The following TAFAZZIN variants were observed in gnomAD, a reference collection of about 807,000 sequenced individuals.
The protein encoded by TAFAZZIN is tafazzin, phospholipid-lysophospholipid transacylase, also known as protein G4.5.
TAFAZZIN carries 6 observed loss-of-function variants against 27.3 expected under a neutral mutation model. The ratio of observed to expected loss-of-function variants is 0.22; its 90% CI spans 0.12 to 0.43. The LOEUF (loss-of-function observed/expected upper bound fraction) is 0.43, where lower values mean the gene tolerates loss of function less well. TAFAZZIN is among the 20% of genes least tolerant of loss of function. The pLI is 1.00. For missense variants in TAFAZZIN, 127 were observed against 244.5 expected (o/e 0.52, Z 3.21); for synonymous variants, 79 against 96.2 (o/e 0.82, Z 1.04).
chrX:154,420,592 G>T (rs2068601219), intron 9 of TAFAZZIN, 66 bp from the exon 10 acceptor site: 2 of 1,153,147 alleles, frequency 1.7e-6, no homozygotes, highest in Middle Eastern at 2.3e-4. Flanking sequence ...CTGGCTCCCG[G>T]GTTGCTTGGG....
At chrX:154,413,145 G>A (rs1413936254) in intron 2 of TAFAZZIN, 62 bp from the exon 3 acceptor site, 65 of 1,198,436 alleles carry the variant, frequency 5.4e-5, no homozygotes, top group Non-Finnish European at 7.1e-5. Context: ...GAGATGGGGT[G>A]AAGGAAGGGC....
chrX:154,412,341 C>A, intron 2 of TAFAZZIN, 127 bp downstream of exon 2: 1 of 950,175 alleles, frequency 1.1e-6, no homozygotes, highest in Non-Finnish European at 1.4e-6. Flanking sequence ...TCCGGGCGTT[C>A]TGCCCCAGGG....
rs1225361741 is a variant in TAFAZZIN, at chrX:154,419,524, A to G, written c.461-19A>G. On this transcript the variant is annotated intron_variant, in intron 5 of 10. Coordinates refer to ENST00000601016, the MANE Select transcript of TAFAZZIN (RefSeq NM_000116.5). Reference sequence around the variant, plus strand: ...CCCCCGAGAATGGTTACTGATAGGGAGAGGCCTTTTCCTTGCAGGAGATGG... The same window carrying G: ...CCCCCGAGAATGGTTACTGATAGGGGGAGGCCTTTTCCTTGCAGGAGATGG... 1 of 1,206,621 alleles carries G rather than the reference A, an allele frequency of 8.3e-7. No homozygotes were observed. The highest frequency in any genetic ancestry group is 2.2e-5 in the Admixed American group (1 of 45,646).
chrX:154,421,569 G>A lies in TAFAZZIN; in HGVS notation c.*565G>A, dbSNP rs1005349467. On this transcript the variant is annotated 3_prime_UTR_variant, in exon 11 of 11. Transcript: ENST00000601016. The stretch of plus-strand genomic sequence containing the variant: ...CAGAAGTCAAGCCCAGCCACGTGGA[G>A]CCTAGAGTGAGGGCCTGAGGTCTGG... 2.7e-5 allele frequency: 9 copies of A among 329,549 alleles called. No individual in the cohort carries two copies. The highest frequency in any genetic ancestry group is 1.8e-4 in the African/African-American group (7 of 38,083). 27.2% of individuals were successfully genotyped at this position (329,549 alleles called of 1,213,427 possible). A position where few individuals can be genotyped will look rare whatever the true frequency, so the allele number is the denominator to read the frequency against.
chrX:154,413,134 T>G, intron 2 of TAFAZZIN, 73 bp from the exon 3 acceptor site: 1 of 1,186,851 alleles, frequency 8.4e-7, no homozygotes, highest in Non-Finnish European at 1.1e-6. Flanking sequence ...CCTCATTCCC[T>G]GAGATGGGGT....
At chrX:154,412,328 G>T in intron 2 of TAFAZZIN, 114 bp downstream of exon 2, 1 of 1,003,945 alleles carries the variant, frequency 1.0e-6, no homozygotes, top group Non-Finnish European at 1.3e-6. Flanking sequence ...TGGCACTCCG[G>T]TTTCCGGGCG....
intron 2 of TAFAZZIN, 90 bp downstream of exon 2, chrX:154,412,304 T>G (rs2148187174): frequency 9.1e-7 from 1 of 1,098,881 alleles, no homozygotes; most frequent in African/African-American, 1.8e-5. Flanking sequence ...TCTCGCTGCC[T>G]TTTCATGGAG....
intron 5 of TAFAZZIN, chrX:154,419,289 C>T (rs2068561532): frequency 2.3e-5 from 10 of 427,657 alleles, no homozygotes; most frequent in East Asian, 3.8e-5. Flanking sequence ...AGCCCCACAG[C>T]GTGCCCAAGT....
intron 5 of TAFAZZIN, 135 bp from the exon 6 acceptor site, chrX:154,419,408 G>T: frequency 1.5e-6 from 1 of 654,640 alleles, no homozygotes; most frequent in South Asian, 2.4e-5. Flanking sequence ...GGACTGAGGG[G>T]GATAGTCCCC....
intron 7 of TAFAZZIN, 36 bp from the exon 8 acceptor site, chrX:154,419,996 A>G: frequency 8.3e-7 from 1 of 1,209,008 alleles, no homozygotes. Flanking sequence ...CTCAGGGCCC[A>G]GCTTATGCTA....
At chrX:154,414,990 G>GA (rs1160162016) in intron 5 of TAFAZZIN, among the ~76,000 whole-genome samples, 158 of 72,661 alleles carry the variant, frequency 2.2e-3, no homozygotes, top group East Asian at 8.3e-3. Context: ...ACTCCGTCTG[G>GA]AAAAAAAAAA....
intron 5 of TAFAZZIN, among the ~76,000 whole-genome samples, chrX:154,414,692 A>G (rs1360240540): frequency 2.9e-5 from 2 of 68,802 alleles, no homozygotes; most frequent in African/African-American, 1.1e-4. Context: ...ACTCCGTCTC[A>G]AAAAAAAAAA....
chrX:154,414,663 G>C (rs1255273783), intron 5 of TAFAZZIN, among the ~76,000 whole-genome samples: 2 of 99,598 alleles, frequency 2.0e-5, no homozygotes, highest in African/African-American at 7.5e-5. Context: ...CTGCACTCCA[G>C]CCTGGGTGAC....
rs951005961 is a variant in TAFAZZIN, at chrX:154,413,196, C to T, written c.239-11C>T. On this transcript the variant is annotated splice_polypyrimidine_tract_variant and intron_variant, in intron 2 of 10. Transcript: ENST00000601016. ...GGGAAGTTGGGGCATGAAGCCTTTC[C>T]TGTCCTCTAGGGATCCTGAAACTCC... is the stretch of plus-strand genomic sequence containing the variant. 32 of 1,210,645 alleles carry T rather than the reference C, an allele frequency of 2.6e-5. No individual in the cohort carries two copies. Among genetic ancestry groups the T allele is most frequent in the African/African-American group, 3.5e-5 (2 of 57,358 alleles).
intron 5 of TAFAZZIN, among the ~76,000 whole-genome samples, chrX:154,415,527 C>T (rs781933323): frequency 1.2e-3 from 137 of 110,378 alleles, no homozygotes; most frequent in African/African-American, 4.4e-3. Flanking sequence ...TAGGTAGGTA[C>T]GTAGGTAGAT....
At chrX:154,419,683 C>G in intron 6 of TAFAZZIN, 22 bp from the exon 7 acceptor site, 1 of 1,212,259 alleles carries the variant, frequency 8.2e-7, no homozygotes, top group Non-Finnish European at 1.1e-6. Context: ...TCCCAAGCCT[C>G]GCCTCTGTGC....
At chrX:154,419,099 GC>G in intron 5 of TAFAZZIN, 1 of 172,840 alleles carries the variant, frequency 5.8e-6, no homozygotes, top group Non-Finnish European at 1.1e-5. Flanking sequence ...GGCAGGTGGT[GC>G]GCTGACCTGG....
intron 5 of TAFAZZIN, chrX:154,418,683 T>C (rs2068547754): frequency 8.9e-6 from 1 of 112,556 alleles, no homozygotes; most frequent in Non-Finnish European, 1.9e-5. Flanking sequence ...CCAGGAGCAG[T>C]TTGACTCCAC....
chrX:154,419,936 C>A, intron 7 of TAFAZZIN, 96 bp from the exon 8 acceptor site: 1 of 1,135,509 alleles, frequency 8.8e-7, no homozygotes, highest in Non-Finnish European at 1.2e-6. Flanking sequence ...CTGAATTGAA[C>A]TGGAGGATGT....
Sources: allele counts gnomAD v4.1 joint callset (sites outside exome capture counted in the v4.1 genomes callset), GRCh38; gene constraint gnomAD v4.1.1; transcripts MANE v1.5; gene names NCBI Gene and HGNC (gene_info 2026-07-23, HGNC 2026-07-21).